The following GLYATL3 variants were observed in gnomAD, a reference collection of about 807,000 sequenced individuals.
GLYATL3 encodes the protein glycine N-acyltransferase-like protein 3.
A neutral mutation model predicts 28.5 loss-of-function variants in GLYATL3; 31 were observed. That is an observed-to-expected ratio of 1.09 (90% CI 0.82 to 1.47). The LOEUF (loss-of-function observed/expected upper bound fraction) is 1.47, where lower values mean the gene tolerates loss of function less well. Among genes scored for constraint, GLYATL3 ranks in the 40% most tolerant of loss-of-function variants. The pLI is 0.00. For missense variants in GLYATL3, 369 were observed against 351.5 expected, an observed-to-expected ratio of 1.05 and a Z score of -0.40; for synonymous variants, 141 against 140.2, an observed-to-expected ratio of 1.01 and a Z score of -0.04.
Position 49,506,179 on chromosome 6 carries a change from A to G in GLYATL3, c.-28-5784A>G, listed in dbSNP as rs1283466746. Reference sequence around the variant, plus strand: ...GGAGTGAGCTTCTAGCTGCATTCCTAAGTACAGAAAAGGAGTGGCTTGTTG... The same window carrying G: ...GGAGTGAGCTTCTAGCTGCATTCCTGAGTACAGAAAAGGAGTGGCTTGTTG... On this transcript the variant is annotated intron_variant, in intron 1 of 5. Coordinates refer to ENST00000371197, the MANE Select transcript of GLYATL3 (RefSeq NM_001010904.2). Among the ~76,000 whole-genome samples the G allele has an allele frequency of 2.0e-5, 3 of 152,202 alleles. No homozygotes were observed. The South Asian group carries it at 6.2e-4, about 31-fold the overall frequency.
In GLYATL3 at chr6:49,527,166, G is replaced by A. The variant is rs995972379; in HGVS notation, c.*252G>A. 6.8e-6 allele frequency: 3 copies of A among 437,988 alleles called. No individual in the cohort carries two copies. Among genetic ancestry groups the A allele is most frequent in the African/African-American group, 3.9e-5 (2 of 51,000 alleles). The allele number at this position is 437,988 out of a possible 1,614,324, so 27.1% of individuals were successfully genotyped here. On this transcript the variant is annotated 3_prime_UTR_variant, in exon 6 of 6. Coordinates refer to ENST00000371197, the MANE Select transcript of GLYATL3 (RefSeq NM_001010904.2). ...CGATTGTCCTCCTGTAGGATCCACT[G>A]TAGGAGAATAGGTTCTAAAGCCAGC... is the stretch of plus-strand genomic sequence containing the variant.
At chr6:49,508,324 A>C (rs1769053907) in intron 1 of GLYATL3, among the ~76,000 whole-genome samples, 1 of 152,144 alleles carries the variant, frequency 6.6e-6, no homozygotes, top group Non-Finnish European at 1.5e-5. Context: ...CAACAACAAC[A>C]ACAAAAACCA....
chr6:49,527,774 T>C lies in GLYATL3; in HGVS notation c.*860T>C, dbSNP rs971962837. On this transcript the variant is annotated 3_prime_UTR_variant, in exon 6 of 6. Transcript: ENST00000371197. Reference sequence around the variant, plus strand: ...TTATATATAGGGGTGTTTGGGGGTATGCAAATGAATATATAACATATATGC... The same window carrying C: ...TTATATATAGGGGTGTTTGGGGGTACGCAAATGAATATATAACATATATGC... Among the ~76,000 whole-genome samples the C allele has an allele frequency of 6.6e-6, 1 of 152,196 alleles. No homozygotes were observed. The highest frequency in any genetic ancestry group is 2.4e-5 in the African/African-American group (1 of 41,444).
rs147789863 is a variant in GLYATL3 at position 49,500,902 on chromosome 6, T to G, written c.-29+860T>G. Among the ~76,000 whole-genome samples, 1,224 of 152,304 alleles carry G rather than the reference T, an allele frequency of 8.0e-3. 14 individuals are homozygous for G. Among genetic ancestry groups the G allele is most frequent in the African/African-American group, 0.026 (1,078 of 41,570 alleles). On this transcript the variant is annotated intron_variant, in intron 1 of 5. Coordinates refer to ENST00000371197, the MANE Select transcript of GLYATL3 (RefSeq NM_001010904.2). ...CTCTACCTTGTGGCATTAAAAAAAT[T>G]TCTATTTAATGAAAGATCCTTATGA...
chr6:49,525,093 AT>A (rs10630585), intron 5 of GLYATL3, among the ~76,000 whole-genome samples: 108 of 141,326 alleles, frequency 7.6e-4, no homozygotes, highest in Middle Eastern at 3.7e-3. Context: ...ATTCTAAAAC[AT>A]TTTTTTTTTT....
At chr6:49,501,789 T>G (rs148302240) in intron 1 of GLYATL3, among the ~76,000 whole-genome samples, 139 of 152,348 alleles carry the variant, frequency 9.1e-4, no homozygotes, top group Non-Finnish European at 1.8e-3. Context: ...CTAGAAGAGC[T>G]GTGGCAAGAT....
intron 2 of GLYATL3, among the ~76,000 whole-genome samples, chr6:49,512,476 CT>C (rs546834934): frequency 7.6e-4 from 116 of 151,962 alleles, no homozygotes; most frequent in Non-Finnish European, 1.4e-3. Flanking sequence ...GGAAACTACA[CT>C]TTTCATAGTC....
intron 1 of GLYATL3, among the ~76,000 whole-genome samples, chr6:49,510,339 G>A (rs914110653): frequency 6.6e-6 from 1 of 152,092 alleles, no homozygotes; most frequent in Non-Finnish European, 1.5e-5. Flanking sequence ...ACCACGCCCA[G>A]CCTAAGTATT....
chr6:49,520,472 T>C (rs1769294296), intron 4 of GLYATL3, among the ~76,000 whole-genome samples: 1 of 152,158 alleles, frequency 6.6e-6, no homozygotes, highest in African/African-American at 2.4e-5. Context: ...CTTAACTCCC[T>C]GAGGGAGGAG....
At chr6:49,510,016 C>A (rs901207425) in intron 1 of GLYATL3, among the ~76,000 whole-genome samples, 6 of 116,368 alleles carry the variant, frequency 5.2e-5, no homozygotes, top group African/African-American at 1.8e-4. Context: ...TTCTTTCCTT[C>A]CTTCCTTTAT....
At chr6:49,509,730 G>A (rs1769078589) in intron 1 of GLYATL3, among the ~76,000 whole-genome samples, 1 of 152,038 alleles carries the variant, frequency 6.6e-6, no homozygotes, top group Non-Finnish European at 1.5e-5. Flanking sequence ...GTATTGAATT[G>A]GGAATTACAA....
chr6:49,513,695 G>A (rs1769161880), intron 2 of GLYATL3, among the ~76,000 whole-genome samples: 2 of 152,122 alleles, frequency 1.3e-5, no homozygotes, highest in Admixed American at 6.5e-5. Flanking sequence ...AATAATATAA[G>A]CCGAACCCAA....
intron 1 of GLYATL3, among the ~76,000 whole-genome samples, chr6:49,500,957 G>T (rs1369895527): frequency 6.6e-6 from 1 of 152,222 alleles, no homozygotes; most frequent in Non-Finnish European, 1.5e-5. Context: ...AAAGGGTATT[G>T]TCAAATGTAG....
intron 1 of GLYATL3, among the ~76,000 whole-genome samples, chr6:49,511,537 C>G (rs1769122229): frequency 6.6e-6 from 1 of 152,146 alleles, no homozygotes; most frequent in Non-Finnish European, 1.5e-5. Context: ...TTAGAATGTC[C>G]CTACTGTGTG....
At chr6:49,523,663 A>G (rs1769354446) in intron 5 of GLYATL3, among the ~76,000 whole-genome samples, 1 of 152,226 alleles carries the variant, frequency 6.6e-6, no homozygotes, top group Non-Finnish European at 1.5e-5. Flanking sequence ...CCCTTAAAAT[A>G]CTGTTAACAT....
intron 4 of GLYATL3, among the ~76,000 whole-genome samples, chr6:49,519,234 T>C (rs1769272264): frequency 6.6e-6 from 1 of 152,062 alleles, no homozygotes; most frequent in South Asian, 2.1e-4. Context: ...TAGAAAAAAG[T>C]TATATAATTT....
chr6:49,515,814 G>T, intron 3 of GLYATL3, 54 bp downstream of exon 3: 1 of 961,508 alleles, frequency 1.0e-6, no homozygotes, highest in Non-Finnish European at 1.6e-6. Context: ...GAAAGAAAAA[G>T]TAGGTAATGG....
chr6:49,509,427 G>A (rs966081529), intron 1 of GLYATL3, among the ~76,000 whole-genome samples: 3 of 152,158 alleles, frequency 2.0e-5, no homozygotes, highest in East Asian at 3.8e-4. Flanking sequence ...TACCTAACAC[G>A]TGTATTTCCT....
In GLYATL3 at chr6:49,526,785, G is replaced by C; in HGVS notation, c.738G>C (p.Gln246His). The change falls in exon 6 of 6, where the codon CAG (glutamine) becomes CAC (histidine). Residue 246 changes from glutamine to histidine, a missense_variant. By Grantham distance (24) the Gln-to-His change is conservative. Transcript: ENST00000371197. ...RKLQSRGFPS[Q>H]GNVLDDNTAS... Reference sequence around the variant, plus strand: ...TGCAAAGCCGGGGATTCCCCTCTCAGGGGAACGTCCTGGATGACAACACGG... The same window carrying C: ...TGCAAAGCCGGGGATTCCCCTCTCACGGGAACGTCCTGGATGACAACACGG... 1.3e-6 allele frequency: 2 copies of C among 1,551,974 alleles called. No homozygotes were observed. The highest frequency in any genetic ancestry group is 1.4e-5 in the African/African-American group (1 of 73,168).
Sources: gnomAD v4.1 joint callset for allele counts (sites outside exome capture counted in the v4.1 genomes callset) on GRCh38, gnomAD v4.1.1 for gene constraint, MANE v1.5 for transcripts, NCBI Gene and HGNC (gene_info 2026-07-23, HGNC 2026-07-21) for gene names.